Variants in HIVEP3 observed in about 807,000 individuals in gnomAD.
The protein encoded by HIVEP3 is HIVEP zinc finger 3.
A neutral mutation model predicts 152.8 loss-of-function variants in HIVEP3; 49 were observed. That is an observed-to-expected ratio of 0.32 (90% CI 0.26 to 0.41). The LOEUF is 0.41. Ranked by LOEUF, HIVEP3 falls within the 10% of genes least tolerant of loss-of-function variation. HIVEP3 has a pLI of 1.00. For synonymous variants in HIVEP3, 1,269 were observed against 1,289.0 expected (o/e 0.98, Z 0.33); for missense variants, 2,790 against 3,103.3 (o/e 0.90, Z 2.40).
intron 1 of HIVEP3, among the ~76,000 whole-genome samples, chr1:41,824,784 T>TATATATATAGAG (rs1553266584): frequency 7.0e-4 from 8 of 11,384 alleles, no homozygotes; most frequent in Non-Finnish European, 9.4e-4. Flanking sequence ...TATATATATA[T>TATATATATAGAG]AGAGAGAGAG....
At chr1:41,753,534 G>A (rs1326968829) in intron 1 of HIVEP3, among the ~76,000 whole-genome samples, 1 of 152,018 alleles carries the variant, frequency 6.6e-6, no homozygotes, top group Non-Finnish European at 1.5e-5. Flanking sequence ...CGGGTGTGGT[G>A]GCATGTGCCT....
chr1:41,595,654 G>T lies in HIVEP3; in HGVS notation c.-521-10336C>A, dbSNP rs141572155. Among the ~76,000 whole-genome samples, 97 of 152,282 alleles carry T rather than the reference G, an allele frequency of 6.4e-4. 1 individual carries two copies. Among genetic ancestry groups the T allele is most frequent in the African/African-American group, 2.2e-3 (92 of 41,546 alleles). On this transcript the variant is annotated intron_variant, in intron 3 of 8. Coordinates refer to ENST00000372583, the MANE Select transcript of HIVEP3 (RefSeq NM_024503.5). ...GGATGAAGAGGGTGTTGCCAAAGGA[G>T]ATTAACATTTGAGTCAGTGGACTGG...
At chr1:41,695,955 G>A (rs929070013) in intron 2 of HIVEP3, among the ~76,000 whole-genome samples, 6 of 152,150 alleles carry the variant, frequency 3.9e-5, no homozygotes, top group Admixed American at 3.9e-4. Flanking sequence ...CACATCCACG[G>A]TCAAGTCCCT....
chr1:41,782,408 T>G (rs573497811), intron 1 of HIVEP3, among the ~76,000 whole-genome samples: 1 of 152,270 alleles, frequency 6.6e-6, no homozygotes, highest in South Asian at 2.1e-4. Context: ...CACATAATGA[T>G]GTGAATATGC....
chr1:42,001,206 A>C (rs561077240), intron 1 of HIVEP3, among the ~76,000 whole-genome samples: 1 of 152,368 alleles, frequency 6.6e-6, no homozygotes, highest in African/African-American at 2.4e-5. Flanking sequence ...CTGAAAAAGA[A>C]GAGTCTGCAA....
Position 41,943,549 on chromosome 1 carries a change from A to G in HIVEP3, n.120-25025T>C, listed in dbSNP as rs991896912. Among the ~76,000 whole-genome samples, 78 of 152,160 alleles carry G rather than the reference A, an allele frequency of 5.1e-4. 2 individuals are homozygous for G. Among genetic ancestry groups the G allele is most frequent in the Non-Finnish European group, 1.0e-4 (7 of 68,030 alleles). ...CCAAATATTCCCACTTCACTTTCTG[A>G]GGCCCCCTTCTCCATCTTCTCTACA... On this transcript the variant is annotated intron_variant and non_coding_transcript_variant, in intron 1 of 3. Coordinates refer to the HIVEP3 transcript ENST00000489103.
intron 1 of HIVEP3, among the ~76,000 whole-genome samples, chr1:41,737,317 G>T (rs545801379): frequency 6.6e-6 from 1 of 152,178 alleles, no homozygotes; most frequent in Non-Finnish European, 1.5e-5. Context: ...GCACTTGACC[G>T]ATACTCTTGC....
rs1377435809 is a variant in HIVEP3 at position 41,533,517 on chromosome 1, C to T, written c.5208-8607G>A. Among the ~76,000 whole-genome samples, 1 of 152,108 alleles carries T rather than the reference C, an allele frequency of 6.6e-6. No individual in the cohort carries two copies. Among genetic ancestry groups the T allele is most frequent in the East Asian group, 1.9e-4 (1 of 5,150 alleles). On this transcript the variant is annotated intron_variant, in intron 5 of 8. Transcript: ENST00000372583. This position sits in a 1 kb window ranked among gnomAD's most constrained non-coding sequence, Gnocchi z 4.3. ...GAGGGCTGTCCACACCTCCTCCCCACTCTATGCTTTTGAGCCGCTGCAGCC... is the reference window on the plus strand; with the variant it reads ...GAGGGCTGTCCACACCTCCTCCCCATTCTATGCTTTTGAGCCGCTGCAGCC...
In HIVEP3 at chr1:41,580,124, T is replaced by C. The variant is rs749714781; in HGVS notation, c.4674A>G (p.Glu1558=). The C allele has an allele frequency of 6.2e-7, 1 of 1,614,132 alleles. No individual in the cohort carries two copies. The stretch of plus-strand genomic sequence containing the variant: ...GTGCCAAGGAGGGGAGATCAGGTTG[T>C]TCCTTGGAATCTTCTTTCTTCACGC... ...PLSVKKEDSK[E]QPDLPSLAPP... Residue 1558 remains glutamate (E), a synonymous_variant, in exon 4 of 9, where the codon GAA becomes GAG. Coordinates refer to ENST00000372583, the MANE Select transcript of HIVEP3 (RefSeq NM_024503.5).
chr1:41,616,195 T>C (rs1644965760), intron 3 of HIVEP3, among the ~76,000 whole-genome samples: 1 of 152,086 alleles, frequency 6.6e-6, no homozygotes, highest in South Asian at 2.1e-4. Context: ...ATGGTTGGCA[T>C]GGCTCATACA....
intron 1 of HIVEP3, among the ~76,000 whole-genome samples, chr1:41,886,974 AT>A (rs1257044361): frequency 1.3e-5 from 2 of 152,180 alleles, no homozygotes; most frequent in Non-Finnish European, 2.9e-5. Flanking sequence ...TTTTATCAAA[AT>A]TCCTGTATTG....
intron 5 of HIVEP3, among the ~76,000 whole-genome samples, chr1:41,553,856 G>A (rs186025674): frequency 7.9e-5 from 12 of 152,302 alleles, no homozygotes; most frequent in South Asian, 2.1e-4. Flanking sequence ...GGTTTCTGCC[G>A]AGAGATCCAC....
In HIVEP3 at chr1:41,533,923, G is replaced by A. The variant is rs1219940745; in HGVS notation, c.5208-9013C>T. 2.9e-5 allele frequency among the ~76,000 whole-genome samples: 1 copy of A among 34,032 alleles called. No homozygotes were observed. The highest frequency in any genetic ancestry group is 5.6e-5 in the Non-Finnish European group (1 of 17,894). 22.3% of individuals were successfully genotyped at this position (34,032 alleles called of 152,430 possible). A position where few individuals can be genotyped will look rare whatever the true frequency, so the allele number is the denominator to read the frequency against. On this transcript the variant is annotated intron_variant, in intron 5 of 8. Coordinates refer to ENST00000372583, the MANE Select transcript of HIVEP3 (RefSeq NM_024503.5). This position sits in a 1 kb window ranked among gnomAD's most constrained non-coding sequence, Gnocchi z 4.3. Reference sequence around the variant, plus strand: ...CCTTCCAAGTCCCTCTACCTGCAGTGTCTGCTCCTGGGTCCCCGTTCTCTC... The same window carrying A: ...CCTTCCAAGTCCCTCTACCTGCAGTATCTGCTCCTGGGTCCCCGTTCTCTC...
intron 1 of HIVEP3, among the ~76,000 whole-genome samples, chr1:41,796,955 A>C (rs1475311680): frequency 2.6e-5 from 4 of 152,218 alleles, no homozygotes; most frequent in Non-Finnish European, 5.9e-5. Context: ...CTGCTGATCC[A>C]GAAGCTACAT....
chr1:41,949,828 C>A (rs553412945), intron 1 of HIVEP3, among the ~76,000 whole-genome samples: 13 of 152,298 alleles, frequency 8.5e-5, no homozygotes, highest in Non-Finnish European at 1.6e-4. Context: ...GATCCCTGGA[C>A]CAGCCTGCTA....
At chr1:41,938,336 T>C (rs1332963938) in intron 1 of HIVEP3, among the ~76,000 whole-genome samples, 1 of 152,204 alleles carries the variant, frequency 6.6e-6, no homozygotes, top group Non-Finnish European at 1.5e-5. Context: ...AAGCCATGTA[T>C]ATGTGGTTCA....
chr1:41,784,165 G>T (rs1319938798), intron 1 of HIVEP3, among the ~76,000 whole-genome samples: 1 of 152,124 alleles, frequency 6.6e-6, no homozygotes. Flanking sequence ...CACCTCCCCT[G>T]CCCTAGAGCA....
At chr1:41,530,216 G>A (rs1422598910) in intron 5 of HIVEP3, among the ~76,000 whole-genome samples, 7 of 152,206 alleles carry the variant, frequency 4.6e-5, no homozygotes, top group African/African-American at 1.7e-4. Context: ...GTCCCCAGTG[G>A]GGGTCACCTT....
chr1:41,919,267 C>T (rs189660125), upstream of HIVEP3, among the ~76,000 whole-genome samples: 4 of 152,300 alleles, frequency 2.6e-5, no homozygotes, highest in South Asian at 2.1e-4. Flanking sequence ...CCCATGTTCA[C>T]GGGTCAGACG....
Sources: allele counts gnomAD v4.1 joint callset (sites outside exome capture counted in the v4.1 genomes callset), GRCh38; gene constraint gnomAD v4.1.1; non-coding constraint Gnocchi (gnomAD v3.1); transcripts MANE v1.5; gene names NCBI Gene and HGNC (gene_info 2026-07-23, HGNC 2026-07-21).